Variants in DLG2 observed in about 807,000 individuals in gnomAD.
DLG2 encodes discs large MAGUK scaffold protein 2.
Under a neutral mutation model 132.5 loss-of-function variants are expected in DLG2, and 45 were observed. The ratio of observed to expected loss-of-function variants is 0.34; its 90% CI spans 0.27 to 0.44. The LOEUF (loss-of-function observed/expected upper bound fraction) is 0.44. Ranked by LOEUF, DLG2 falls within the 20% of genes least tolerant of loss-of-function variation. DLG2 has a pLI of 1.00. For synonymous variants in DLG2, 424 were observed against 419.6 expected (o/e 1.01, Z -0.13); for missense variants, 1,045 against 1,196.9 (o/e 0.87, Z 1.87).
chr11:83,998,349 G>C (rs2094159702), intron 11 of DLG2, among the ~76,000 whole-genome samples: 1 of 152,190 alleles, frequency 6.6e-6, no homozygotes, highest in Admixed American at 6.5e-5. Flanking sequence ...TGGCTGACTA[G>C]AGGAGTTTTG....
chr11:85,320,556 A>C (rs1370086878), intron 3 of DLG2, among the ~76,000 whole-genome samples: 1 of 151,966 alleles, frequency 6.6e-6, no homozygotes, highest in Non-Finnish European at 1.5e-5. Flanking sequence ...TTATATACAC[A>C]AAATAAATAT....
At chr11:84,048,615 A>G (rs1481004653) in intron 11 of DLG2, among the ~76,000 whole-genome samples, 1 of 151,648 alleles carries the variant, frequency 6.6e-6, no homozygotes, top group Non-Finnish European at 1.5e-5. Context: ...ATAGTAATTT[A>G]CTCCATGGCA....
rs188390024 is a variant in DLG2, at chr11:84,247,008, T to C, written c.573+4230A>G. 4.8e-3 allele frequency among the ~76,000 whole-genome samples: 724 copies of C among 152,286 alleles called. 1 individual carries two copies. The highest frequency in any genetic ancestry group is 0.02 in the Middle Eastern group (6 of 294). On this transcript the variant is annotated intron_variant, in intron 8 of 27. Coordinates refer to ENST00000376104, the MANE Select transcript of DLG2 (RefSeq NM_001142699.3). ...CTTTAAAATGAAAGGTTTGTGTTCA[T>C]TGAACTCCAAGATATTTAACAAGAT...
intron 6 of DLG2, among the ~76,000 whole-genome samples, chr11:84,732,875 G>C (rs1190312335): frequency 6.6e-6 from 1 of 150,840 alleles, no homozygotes; most frequent in Admixed American, 6.6e-5. Context: ...CCACCTATGA[G>C]TGAGAACATG....
intron 18 of DLG2, among the ~76,000 whole-genome samples, chr11:83,646,157 G>T (rs1015926609): frequency 1.3e-5 from 2 of 152,052 alleles, no homozygotes; most frequent in African/African-American, 4.8e-5. Flanking sequence ...TTTCTATTTG[G>T]CACATTTTGG....
chr11:83,724,902 C>G, intron 18 of DLG2: 2 of 702,508 alleles, frequency 2.8e-6, no homozygotes, highest in Non-Finnish European at 5.2e-6. Context: ...TAGCAGGCAG[C>G]TGCTTCCCAA....
chr11:83,649,249 A>G (rs928790095), intron 18 of DLG2, among the ~76,000 whole-genome samples: 1 of 152,134 alleles, frequency 6.6e-6, no homozygotes, highest in Non-Finnish European at 1.5e-5. Context: ...CCTGCTGGGC[A>G]TTCTATTTTC....
chr11:83,770,274 C>CTTTTT (rs1594049476), intron 18 of DLG2, among the ~76,000 whole-genome samples: 3 of 108,612 alleles, frequency 2.8e-5, no homozygotes, highest in African/African-American at 1.3e-4. Context: ...TGTTTTTTTG[C>CTTTTT]TTTTTGTACA....
rs117840463 is a variant in DLG2 at position 85,016,000 on chromosome 11, G to C, written c.357+95661C>G. Among the ~76,000 whole-genome samples, 1,488 of 151,866 alleles carry C rather than the reference G, an allele frequency of 9.8e-3. 13 individuals carry two copies. Among genetic ancestry groups the C allele is most frequent in the Non-Finnish European group, 0.015 (1,051 of 67,912 alleles). ...CAAAAAAGTCAATATTTGAAAACTA[G>C]TTTTATTACAAATGAAGTAATTTTC... On this transcript the variant is annotated intron_variant, in intron 6 of 27. Transcript: ENST00000376104.
At chr11:83,896,224 T>C (rs1282208906) in intron 15 of DLG2, among the ~76,000 whole-genome samples, 1 of 152,212 alleles carries the variant, frequency 6.6e-6, no homozygotes, top group Non-Finnish European at 1.5e-5. Context: ...CGACAATAAA[T>C]AGATTCTGCT....
intron 5 of DLG2, among the ~76,000 whole-genome samples, chr11:85,113,068 T>C (rs1009770312): frequency 3.3e-5 from 5 of 152,082 alleles, no homozygotes; most frequent in Non-Finnish European, 4.4e-5. Context: ...TGACTATGGA[T>C]AAAGTCATCA....
At chr11:84,137,634 G>A (rs543501475) in intron 9 of DLG2, among the ~76,000 whole-genome samples, 1 of 152,044 alleles carries the variant, frequency 6.6e-6, no homozygotes, top group East Asian at 1.9e-4. Context: ...TCTATATGGG[G>A]CACTCAACAT....
At chr11:84,369,635 T>C (rs775032072) in intron 7 of DLG2, among the ~76,000 whole-genome samples, 1 of 152,130 alleles carries the variant, frequency 6.6e-6, no homozygotes, top group Admixed American at 6.6e-5. Flanking sequence ...TGGCTCTCTA[T>C]TCAATAAAAG....
chr11:84,335,521 C>A (rs964770441), intron 7 of DLG2, among the ~76,000 whole-genome samples: 9 of 152,158 alleles, frequency 5.9e-5, no homozygotes, highest in East Asian at 1.9e-4. Context: ...ACTGAGGTGA[C>A]CCTTGTAAAG....
At chr11:84,107,011 T>TGAGAGAGAGAGA (rs375475609) in intron 9 of DLG2, among the ~76,000 whole-genome samples, 6 of 107,176 alleles carry the variant, frequency 5.6e-5, no homozygotes, top group African/African-American at 2.0e-4. Flanking sequence ...TGTGTGTGTG[T>TGAGAGAGAGAGA]GTGAGAGAGT....
chr11:84,988,847 A>G (rs1446899374), intron 6 of DLG2, among the ~76,000 whole-genome samples: 1 of 152,152 alleles, frequency 6.6e-6, no homozygotes, highest in African/African-American at 2.4e-5. Context: ...ACCAGACATC[A>G]CCTTTTCCCC....
chr11:85,396,467 A>G (rs1212234682), intron 3 of DLG2, among the ~76,000 whole-genome samples: 3 of 152,180 alleles, frequency 2.0e-5, no homozygotes, highest in African/African-American at 7.2e-5. Flanking sequence ...GGTCGGTAAT[A>G]ACAAACTTCT....
At chr11:84,685,965 G>A (rs192666583) in intron 6 of DLG2, among the ~76,000 whole-genome samples, 100 of 152,300 alleles carry the variant, frequency 6.6e-4, no homozygotes, top group African/African-American at 2.2e-3. Context: ...GGGATTACAG[G>A]CGTGAGCCAC....
At chr11:83,940,275 C>A (rs1298362263) in intron 14 of DLG2, among the ~76,000 whole-genome samples, 1 of 152,142 alleles carries the variant, frequency 6.6e-6, no homozygotes, top group African/African-American at 2.4e-5. Flanking sequence ...GTTGAGTACA[C>A]CTGATTGTAG....
Sources: gnomAD v4.1 joint callset for allele counts (sites outside exome capture counted in the v4.1 genomes callset) on GRCh38, gnomAD v4.1.1 for gene constraint, MANE v1.5 for transcripts, NCBI Gene and HGNC (gene_info 2026-07-23, HGNC 2026-07-21) for gene names.